Variants in CSMD1 observed in about 807,000 individuals in gnomAD.
The protein encoded by CSMD1 is CUB and sushi domain-containing protein 1.
A neutral mutation model predicts 417.5 loss-of-function variants in CSMD1; 213 were observed. The ratio of observed to expected loss-of-function variants is 0.51; its 90% confidence interval spans 0.46 to 0.57. The LOEUF (loss-of-function observed/expected upper bound fraction) is 0.57, where lower values mean the gene tolerates loss of function less well. Ranked by LOEUF, CSMD1 falls within the 20% of genes least tolerant of loss-of-function variation. The pLI, the probability that CSMD1 is intolerant of heterozygous loss-of-function variation, is 0.00. For missense variants in CSMD1, 6,923 were observed against 4,529.7 expected (o/e 1.53, Z -15.17); for synonymous variants, 2,862 against 1,736.8 (o/e 1.65, Z -16.11).
intron 1 of CSMD1, among the ~76,000 whole-genome samples, chr8:4,990,512 C>T (rs1461231034): frequency 6.6e-6 from 1 of 152,076 alleles, no homozygotes; most frequent in Non-Finnish European, 1.5e-5. Flanking sequence ...TACAGGCATG[C>T]GCCACCACGC....
chr8:4,614,908 A>C (rs927633524), intron 2 of CSMD1, among the ~76,000 whole-genome samples: 1 of 152,214 alleles, frequency 6.6e-6, no homozygotes, highest in African/African-American at 2.4e-5. Context: ...AAAATTGTTC[A>C]CCAATCTCAG....
chr8:3,734,656 A>G (rs1017477781), intron 6 of CSMD1, among the ~76,000 whole-genome samples: 32 of 152,298 alleles, frequency 2.1e-4, no homozygotes, highest in African/African-American at 7.5e-4. Context: ...GGTCGCAGTG[A>G]GCCAAAACTA....
intron 10 of CSMD1, among the ~76,000 whole-genome samples, chr8:3,532,806 T>C (rs950298569): frequency 1.1e-4 from 17 of 152,218 alleles, no homozygotes; most frequent in African/African-American, 4.1e-4. Context: ...ATAATCTATA[T>C]CTGATTCACA....
chr8:4,284,920 T>C (rs28619306), intron 3 of CSMD1, among the ~76,000 whole-genome samples: 35,808 of 152,136 alleles, frequency 0.24, 5,266 homozygotes, highest in Non-Finnish European at 0.32. Context: ...AGTTTCAGGA[T>C]GCACCAGTTA....
chr8:3,195,289 C>A (rs560737044), intron 33 of CSMD1, among the ~76,000 whole-genome samples: 2 of 152,246 alleles, frequency 1.3e-5, no homozygotes, highest in East Asian at 3.9e-4. Flanking sequence ...ACCACCCTGT[C>A]TTAAATCCAC....
intron 37 of CSMD1, among the ~76,000 whole-genome samples, chr8:3,177,310 G>A (rs146143193): frequency 2.0e-3 from 308 of 152,298 alleles, no homozygotes; most frequent in African/African-American, 6.5e-3. Flanking sequence ...TAGGGGCACA[G>A]CTGGAGGCCA....
At chr8:3,694,895 T>A (rs955682253) in intron 7 of CSMD1, among the ~76,000 whole-genome samples, 1 of 151,874 alleles carries the variant, frequency 6.6e-6, no homozygotes, top group Non-Finnish European at 1.5e-5. Flanking sequence ...TCATTCTGGG[T>A]GTGAGGGGAA....
At chr8:4,639,317 G>C (rs1401026189) in intron 1 of CSMD1, among the ~76,000 whole-genome samples, 2 of 147,876 alleles carry the variant, frequency 1.4e-5, no homozygotes, top group Non-Finnish European at 3.0e-5. Context: ...GCCATGCCTG[G>C]GCCAATCCAA....
At chr8:3,926,733 T>TTC (rs1809756683) in intron 5 of CSMD1, among the ~76,000 whole-genome samples, 2 of 147,198 alleles carry the variant, frequency 1.4e-5, no homozygotes, top group Non-Finnish European at 3.0e-5. Context: ...TTTTTTTTTT[T>TTC]TTTTATGGAG....
At chr8:3,110,901 G>A (rs560058316) in intron 42 of CSMD1, among the ~76,000 whole-genome samples, 2 of 152,286 alleles carry the variant, frequency 1.3e-5, no homozygotes, top group African/African-American at 4.8e-5. Context: ...TCAATGACTT[G>A]AAGAACTAAA....
chr8:4,221,819 T>G (rs1022942890), intron 3 of CSMD1, among the ~76,000 whole-genome samples: 6 of 152,164 alleles, frequency 3.9e-5, no homozygotes, highest in African/African-American at 1.4e-4. Context: ...TTTTCCTACT[T>G]GGCTCTGAGA....
intron 7 of CSMD1, among the ~76,000 whole-genome samples, chr8:3,628,253 C>T (rs1231687672): frequency 6.6e-6 from 1 of 152,036 alleles, no homozygotes; most frequent in Non-Finnish European, 1.5e-5. Context: ...GAGAATAGTT[C>T]TTTCTTTAAA....
At chr8:3,505,912 T>C (rs1224074197) in intron 10 of CSMD1, among the ~76,000 whole-genome samples, 6 of 152,198 alleles carry the variant, frequency 3.9e-5, no homozygotes, top group African/African-American at 1.4e-4. Context: ...AAGGAGGTTC[T>C]TTACAAATAC....
At chr8:3,550,118 C>G (rs1361080392) in intron 10 of CSMD1, among the ~76,000 whole-genome samples, 1 of 152,066 alleles carries the variant, frequency 6.6e-6, no homozygotes, top group African/African-American at 2.4e-5. Flanking sequence ...AAAAAGTGTC[C>G]CATTGGGATC....
At chr8:3,214,409 G>C (rs554725485) in intron 30 of CSMD1, 88 bp downstream of exon 30, 3 of 1,099,164 alleles carry the variant, frequency 2.7e-6, no homozygotes, top group Non-Finnish European at 3.9e-6. Flanking sequence ...AGAGGAATAC[G>C]TGTTGAAATG....
intron 11 of CSMD1, among the ~76,000 whole-genome samples, chr8:3,479,862 TG>T (rs1377540156): frequency 6.6e-6 from 1 of 151,394 alleles, no homozygotes; most frequent in East Asian, 1.9e-4. Flanking sequence ...TGCAAACAGA[TG>T]AAAAAAAACG....
At chr8:3,565,390 C>T (rs915240756) in intron 10 of CSMD1, among the ~76,000 whole-genome samples, 3 of 152,072 alleles carry the variant, frequency 2.0e-5, no homozygotes, top group Admixed American at 1.3e-4. Context: ...AATGGGGAGG[C>T]TCCCTTCGGT....
At chr8:4,150,528 T>C (rs961597508) in intron 3 of CSMD1, among the ~76,000 whole-genome samples, 1 of 152,200 alleles carries the variant, frequency 6.6e-6, no homozygotes, top group Non-Finnish European at 1.5e-5. Flanking sequence ...CTCTTTCTGT[T>C]CTTCCAAGTG....
At chr8:3,502,180 T>C (rs1418223150) in intron 10 of CSMD1, among the ~76,000 whole-genome samples, 4 of 151,782 alleles carry the variant, frequency 2.6e-5, no homozygotes, top group African/African-American at 7.3e-5. Context: ...CTGGCTAACG[T>C]GGTGAAACCC....
Sources: allele counts gnomAD v4.1 joint callset (sites outside exome capture counted in the v4.1 genomes callset), GRCh38; gene constraint gnomAD v4.1.1; transcripts MANE v1.5; gene names NCBI Gene and HGNC (gene_info 2026-07-23, HGNC 2026-07-21).